Variants in DPY19L2 observed in about 807,000 individuals in gnomAD.
DPY19L2 encodes dpy-19 like 2.
In DPY19L2, 34 loss-of-function variants were observed where a neutral mutation model predicts 97.9. The ratio of observed to expected loss-of-function variants is 0.35; its 90% CI spans 0.26 to 0.46. DPY19L2 has a LOEUF of 0.46. Ranked by LOEUF, DPY19L2 falls within the 20% of genes least tolerant of loss-of-function variation. The pLI, the probability that DPY19L2 is intolerant of heterozygous loss-of-function variation, is 1.00. For synonymous variants in DPY19L2, 230 were observed against 307.9 expected, an observed-to-expected ratio of 0.75 and a Z score of 2.65; for missense variants, 623 against 911.4, an observed-to-expected ratio of 0.68 and a Z score of 4.07.
At chr12:63,587,557 A>AATAATTATTATTATT (rs1555185972) in intron 16 of DPY19L2, among the ~76,000 whole-genome samples, 1 of 136,228 alleles carries the variant, frequency 7.3e-6, no homozygotes, top group Non-Finnish European at 1.6e-5. Flanking sequence ...CATTTTTAAA[A>AATAATTATTATTATT]ATTATTATTA....
intron 21 of DPY19L2, among the ~76,000 whole-genome samples, chr12:63,568,908 T>G (rs906541746): frequency 7.2e-5 from 11 of 151,986 alleles, no homozygotes; most frequent in Non-Finnish European, 4.4e-5. Flanking sequence ...CTCACTTTGT[T>G]GTAAATTCAA....
At chr12:63,637,863 C>A (rs370781176) in intron 6 of DPY19L2, among the ~76,000 whole-genome samples, 3 of 152,114 alleles carry the variant, frequency 2.0e-5, no homozygotes, top group East Asian at 1.9e-4. Flanking sequence ...TTTTAGGAGG[C>A]CAGCATCATC....
At chr12:63,601,700 A>G (rs1885216626) in intron 12 of DPY19L2, among the ~76,000 whole-genome samples, 1 of 152,112 alleles carries the variant, frequency 6.6e-6, no homozygotes, top group Non-Finnish European at 1.5e-5. Context: ...AGATTGGTAA[A>G]TGGGAGTACA....
intron 6 of DPY19L2, among the ~76,000 whole-genome samples, chr12:63,632,008 T>A (rs1890778800): frequency 6.6e-6 from 1 of 152,100 alleles, no homozygotes; most frequent in Non-Finnish European, 1.5e-5. Context: ...TTGACAAAAT[T>A]CAACAACCCC....
chr12:63,623,756 G>A (rs1889079566), intron 8 of DPY19L2: 3 of 291,148 alleles, frequency 1.0e-5, no homozygotes, highest in Non-Finnish European at 2.0e-5. Flanking sequence ...CCAGGCTGGA[G>A]TGCAGTGGCA....
intron 10 of DPY19L2, among the ~76,000 whole-genome samples, chr12:63,617,870 G>C (rs560619228): frequency 6.6e-6 from 1 of 152,128 alleles, no homozygotes; most frequent in East Asian, 1.9e-4. Context: ...AAAATCTCAT[G>C]TCTGAGAAAG....
In DPY19L2 at chr12:63,578,832, T is replaced by C. The variant is rs555911371; in HGVS notation, c.1900+1830A>G. 2.6e-5 allele frequency among the ~76,000 whole-genome samples: 4 copies of C among 152,186 alleles called. No homozygotes were observed. The East Asian group carries it at 7.7e-4, about 29-fold the overall frequency. ...TTGCTCCCTAGGGAGCACTATCAACTTCTGGAGACACTTTTCGATGTCATG... is the reference window on the plus strand; with the variant it reads ...TTGCTCCCTAGGGAGCACTATCAACCTCTGGAGACACTTTTCGATGTCATG... On this transcript the variant is annotated intron_variant, in intron 19 of 21. Coordinates refer to ENST00000324472, the MANE Select transcript of DPY19L2 (RefSeq NM_173812.5).
intron 16 of DPY19L2, among the ~76,000 whole-genome samples, chr12:63,589,357 C>CAAAAAATAAAAAA (rs1882441694): frequency 5.3e-5 from 1 of 18,986 alleles, no homozygotes; most frequent in Non-Finnish European, 1.0e-4. Context: ...AAATGTGTTG[C>CAAAAAATAAAAAA]AAAAAAAAAA....
At chr12:63,626,135 G>A (rs1309314643) in intron 7 of DPY19L2, among the ~76,000 whole-genome samples, 1 of 151,248 alleles carries the variant, frequency 6.6e-6, no homozygotes, top group African/African-American at 2.4e-5. Context: ...TGTATGGTGA[G>A]GCTACCACCA....
intron 21 of DPY19L2, among the ~76,000 whole-genome samples, chr12:63,564,374 A>G (rs1483905052): frequency 6.6e-6 from 1 of 152,132 alleles, no homozygotes; most frequent in Admixed American, 6.5e-5. Flanking sequence ...TTCAACATAA[A>G]AACAAATCTC....
At chr12:63,586,897 C>G (rs565829229) in intron 16 of DPY19L2, among the ~76,000 whole-genome samples, 1 of 151,796 alleles carries the variant, frequency 6.6e-6, no homozygotes, top group Non-Finnish European at 1.5e-5. Flanking sequence ...TTGAAAAGCA[C>G]GATGAATAGA....
chr12:63,647,489 T>C (rs1255208238), intron 4 of DPY19L2, 124 bp from the exon 5 acceptor site: 1 of 417,422 alleles, frequency 2.4e-6, no homozygotes, highest in Non-Finnish European at 3.8e-6. Context: ...ATGTCCTTTA[T>C]AGTGACATGG....
intron 4 of DPY19L2, among the ~76,000 whole-genome samples, chr12:63,648,481 C>T (rs952730244): frequency 1.3e-5 from 2 of 151,530 alleles, no homozygotes; most frequent in Non-Finnish European, 2.9e-5. Flanking sequence ...GGCTGGAGTG[C>T]AGTGGCATGA....
intron 4 of DPY19L2, chr12:63,660,810 G>A (rs1895581518): frequency 6.6e-6 from 1 of 152,116 alleles, no homozygotes; most frequent in African/African-American, 2.4e-5. Flanking sequence ...TTTATCTTGA[G>A]TTCACAAACT....
chr12:63,585,949 G>A (rs1182349235), intron 16 of DPY19L2, among the ~76,000 whole-genome samples: 1 of 152,088 alleles, frequency 6.6e-6, no homozygotes, highest in East Asian at 1.9e-4. Flanking sequence ...AAGTTGAAGA[G>A]CAAAATGTAC....
chr12:63,664,824 G>A (rs1408007586), intron 2 of DPY19L2, among the ~76,000 whole-genome samples: 1 of 151,996 alleles, frequency 6.6e-6, no homozygotes, highest in Non-Finnish European at 1.5e-5. Flanking sequence ...TTACATGTAG[G>A]CCATATGCCA....
At chr12:63,577,361 G>A (rs1234569225) in intron 19 of DPY19L2, among the ~76,000 whole-genome samples, 1 of 152,022 alleles carries the variant, frequency 6.6e-6, no homozygotes, top group Non-Finnish European at 1.5e-5. Flanking sequence ...AAACTCTCCA[G>A]GACTTTGGTT....
intron 4 of DPY19L2, among the ~76,000 whole-genome samples, chr12:63,650,550 C>A (rs578066771): frequency 6.6e-6 from 1 of 151,982 alleles, no homozygotes; most frequent in East Asian, 1.9e-4. Flanking sequence ...GGAGCCAAAT[C>A]AAGAATGCAA....
At chr12:63,602,908 T>A (rs1219478782) in intron 12 of DPY19L2, among the ~76,000 whole-genome samples, 1 of 152,084 alleles carries the variant, frequency 6.6e-6, no homozygotes, top group Non-Finnish European at 1.5e-5. Flanking sequence ...GAGAATCATA[T>A]ACAGAAACAA....
Sources: gnomAD v4.1 joint callset for allele counts (sites outside exome capture counted in the v4.1 genomes callset) on GRCh38, gnomAD v4.1.1 for gene constraint, MANE v1.5 for transcripts, NCBI Gene and HGNC (gene_info 2026-07-23, HGNC 2026-07-21) for gene names.